PGBD2: variants seen among roughly 807,000 people sequenced by gnomAD.
PGBD2 encodes piggyBac transposable element derived 2, also known as piggyBac transposable element-derived protein 2.
PGBD2 carries 6 observed loss-of-function variants against 8.1 expected under a neutral mutation model. That is an observed-to-expected ratio of 0.74 (90% confidence interval 0.40 to 1.46). PGBD2 has a LOEUF of 1.46. Among genes scored for constraint, PGBD2 ranks in the 40% most tolerant of loss-of-function variants. The probability of loss-of-function intolerance (pLI) is 0.02; values close to 1 mark genes in which losing one functional copy is unlikely to be tolerated. For missense variants in PGBD2, 802 were observed against 739.0 expected, an observed-to-expected ratio of 1.09 and a Z score of -0.99; for synonymous variants, 318 against 272.2, an observed-to-expected ratio of 1.17 and a Z score of -1.66.
upstream of PGBD2, among the ~76,000 whole-genome samples, chr1:248,903,539 G>A (rs1031038404): frequency 6.6e-6 from 1 of 152,118 alleles, no homozygotes; most frequent in Non-Finnish European, 1.5e-5. Flanking sequence ...TACATAGTGC[G>A]TCAAATCAAT....
chr1:248,873,842 T>A, the PGBD2 span, among the ~76,000 whole-genome samples: 467 of 152,340 alleles, frequency 3.1e-3, no homozygotes, highest in African/African-American at 0.011. Context: ...TGAGAAGCGC[T>A]CTGCTTCCGA....
the PGBD2 span, among the ~76,000 whole-genome samples, chr1:248,882,804 C>T: frequency 3.6e-3 from 548 of 152,316 alleles, 6 homozygotes; most frequent in African/African-American, 0.012. Flanking sequence ...ACTGTTGGCT[C>T]GTTCTGGCAG....
At chr1:248,874,395 T>C in the PGBD2 span, among the ~76,000 whole-genome samples, 2 of 152,178 alleles carry the variant, frequency 1.3e-5, no homozygotes, top group Non-Finnish European at 1.5e-5. Context: ...ACTTGACTTC[T>C]AAACAAAGGG....
At chr1:248,913,525 G>T (rs1464057619) in intron 1 of PGBD2, among the ~76,000 whole-genome samples, 1 of 152,126 alleles carries the variant, frequency 6.6e-6, no homozygotes. Context: ...GCATCTATTA[G>T]TAGAAGCCAG....
the PGBD2 span, among the ~76,000 whole-genome samples, chr1:248,899,786 G>GT: frequency 0.027 from 3,775 of 140,276 alleles, 182 homozygotes; most frequent in African/African-American, 0.099. Context: ...TTCAGGAGCT[G>GT]TTTTTTTTGG....
At chr1:248,919,368 C>T (rs1208857848), downstream of PGBD2, 1 of 166,620 alleles carries the variant, frequency 6.0e-6, no homozygotes, top group African/African-American at 2.4e-5. Context: ...GCTTATTTCA[C>T]TTAACATAAT....
chr1:248,880,212 C>A, the PGBD2 span, among the ~76,000 whole-genome samples: 2 of 142,840 alleles, frequency 1.4e-5, no homozygotes, highest in Non-Finnish European at 2.9e-5. Flanking sequence ...CCTGATTGAC[C>A]CTCAAAGCTG....
the PGBD2 span, among the ~76,000 whole-genome samples, chr1:248,887,111 A>C: frequency 6.6e-6 from 1 of 151,384 alleles, no homozygotes; most frequent in East Asian, 1.9e-4. Flanking sequence ...AAGTTACAAA[A>C]ATTATAAAAA....
chr1:248,916,567 T>G lies in PGBD2; in HGVS notation c.18-35T>G, dbSNP rs777607417. The G allele has an allele frequency of 6.9e-6, 11 of 1,585,380 alleles. No homozygotes were observed. The Admixed American group carries it at 1.5e-4, about 22-fold the overall frequency. On this transcript the variant is annotated intron_variant, in intron 2 of 2. Coordinates refer to ENST00000329291, the MANE Select transcript of PGBD2 (RefSeq NM_170725.3). ...CTGCTGAAGCATTGGCTTTCTGGCA[T>G]GGCCTCTTCCTGATTCTGTTTCCTG...
At position 248,919,134 on chromosome 1, in the gene PGBD2, ATTT is replaced by A. The variant is rs1662228708; in HGVS notation, c.*774_*776del. On this transcript the variant is annotated 3_prime_UTR_variant, in exon 3 of 3. Coordinates refer to ENST00000329291, the MANE Select transcript of PGBD2 (RefSeq NM_170725.3). ...TTATTTTAAAATGTGCAATTAAATT[ATTT>A]TTAACTATATTCACCCTGTTGTGCT... The A allele has an allele frequency of 6.0e-6, 1 of 167,004 alleles. No individual in the cohort carries two copies. 10.3% of individuals were successfully genotyped at this position (167,004 alleles called of 1,614,324 possible).
At chr1:248,909,741 G>A (rs1239172358) in intron 1 of PGBD2, among the ~76,000 whole-genome samples, 1 of 152,138 alleles carries the variant, frequency 6.6e-6, no homozygotes. Context: ...CATAGGCAGG[G>A]AATGGCACCC....
At chr1:248,914,466 C>T in intron 2 of PGBD2, 1 of 1,287,334 alleles carries the variant, frequency 7.8e-7, no homozygotes, top group South Asian at 1.2e-5. Flanking sequence ...ACCTCACCTC[C>T]CTGGAGGTCA....
the PGBD2 span, among the ~76,000 whole-genome samples, chr1:248,895,285 A>C: frequency 6.6e-6 from 1 of 152,138 alleles, no homozygotes; most frequent in Non-Finnish European, 1.5e-5. Flanking sequence ...AGTCCTGCCC[A>C]CAGAGTGCTA....
the PGBD2 span, among the ~76,000 whole-genome samples, chr1:248,890,872 C>T: frequency 1.3e-5 from 2 of 150,238 alleles, no homozygotes; most frequent in African/African-American, 4.9e-5. Flanking sequence ...TCCACAGCCC[C>T]CCATCACACT....
At chr1:248,889,928 C>CTTT in the PGBD2 span, among the ~76,000 whole-genome samples, 2 of 136,012 alleles carry the variant, frequency 1.5e-5, no homozygotes, top group African/African-American at 2.8e-5. Flanking sequence ...TTTTTCTTTT[C>CTTT]TTTTTTTTTT....
At chr1:248,928,302 C>A in the PGBD2 span, among the ~76,000 whole-genome samples, 20 of 152,204 alleles carry the variant, frequency 1.3e-4, no homozygotes, top group African/African-American at 4.8e-4. Flanking sequence ...CAGCAACAGA[C>A]AATGCACAAA....
chr1:248,879,356 A>G, the PGBD2 span, among the ~76,000 whole-genome samples: 2 of 152,128 alleles, frequency 1.3e-5, no homozygotes, highest in African/African-American at 4.8e-5. Flanking sequence ...CTGTTAATTC[A>G]TCTAATTATC....
chr1:248,895,564 T>C, the PGBD2 span, among the ~76,000 whole-genome samples: 1 of 152,030 alleles, frequency 6.6e-6, no homozygotes, highest in Non-Finnish European at 1.5e-5. Context: ...TTTTTCTTCA[T>C]TATTTTGGAG....
chr1:248,908,843 C>T (rs373982065), intron 1 of PGBD2, among the ~76,000 whole-genome samples: 24 of 152,190 alleles, frequency 1.6e-4, no homozygotes, highest in African/African-American at 3.6e-4. Flanking sequence ...TGCCTTTTGC[C>T]TGGGGTGCTA....
Sources: gnomAD v4.1 joint callset for allele counts (sites outside exome capture counted in the v4.1 genomes callset) on GRCh38, gnomAD v4.1.1 for gene constraint, MANE v1.5 for transcripts, NCBI Gene and HGNC (gene_info 2026-07-23, HGNC 2026-07-21) for gene names.